Variants in CADPS observed in about 807,000 individuals in gnomAD.
CADPS encodes calcium dependent secretion activator.
CADPS carries 57 observed loss-of-function variants against 167.3 expected under a neutral mutation model. The ratio of observed to expected loss-of-function variants is 0.34; its 90% CI spans 0.28 to 0.42. The LOEUF is 0.42. Among genes scored for constraint, CADPS ranks in the 20% least tolerant of loss-of-function variants. CADPS has a pLI of 1.00. For missense variants in CADPS, 1,414 were observed against 1,738.1 expected, an observed-to-expected ratio of 0.81 and a Z score of 3.32; for synonymous variants, 676 against 635.3, an observed-to-expected ratio of 1.06 and a Z score of -0.96.
intron 24 of CADPS, among the ~76,000 whole-genome samples, chr3:62,471,673 A>G (rs550488056): frequency 1.3e-5 from 2 of 152,326 alleles, no homozygotes; most frequent in East Asian, 1.9e-4. Flanking sequence ...AGGCAAGACC[A>G]GTCCTGTTGT....
rs758002941 is a variant in CADPS at position 62,753,497 on chromosome 3, G to C, written c.832C>G (p.Gln278Glu). ...LSKEQLYEMF[Q>E]NILGIKKFEH... is the part of the protein sequence containing the mutation. Reference sequence around the variant, plus strand: ...AACTTCTTGATCCCAAGAATGTTCTGGAACATCTCATAGAGTTGCTCCTTG... The same window carrying C: ...AACTTCTTGATCCCAAGAATGTTCTCGAACATCTCATAGAGTTGCTCCTTG... The change falls in exon 3 of 30, where the codon CAG (glutamine) becomes GAG (glutamate). Residue 278 changes from glutamine (Q) to glutamate (E), a missense_variant. Physicochemically the swap from Gln to Glu is conservative, Grantham distance 29. Around this residue, in one of 6 missense-constraint regions of CADPS, gnomAD observed 522 missense variants for 559.5 expected, o/e 0.93. Transcript: ENST00000383710. The surrounding 1 kb of genome is among the most constrained non-coding windows in gnomAD (Gnocchi z 4.6). 2 of 1,614,044 alleles carry C rather than the reference G, an allele frequency of 1.2e-6. No individual in the cohort carries two copies. The highest frequency in any genetic ancestry group is 1.7e-6 in the Non-Finnish European group (2 of 1,179,998).
intron 26 of CADPS, among the ~76,000 whole-genome samples, chr3:62,463,073 T>C (rs1238004609): frequency 1.3e-5 from 2 of 152,184 alleles, no homozygotes; most frequent in African/African-American, 2.4e-5. Flanking sequence ...TTGCTAGGCA[T>C]GCTGTGAGGC....
At chr3:62,828,342 T>A (rs1425504858) in intron 1 of CADPS, among the ~76,000 whole-genome samples, 4 of 152,174 alleles carry the variant, frequency 2.6e-5, no homozygotes, top group Non-Finnish European at 5.9e-5. Context: ...TAACCAGGGT[T>A]GGGGTGGTCT....
At chr3:62,759,526 A>G (rs999615494) in intron 2 of CADPS, among the ~76,000 whole-genome samples, 5 of 152,182 alleles carry the variant, frequency 3.3e-5, no homozygotes, top group Admixed American at 3.3e-4. Context: ...ATAGGAAATA[A>G]GACAGTTTAC....
rs184973218 is a variant in CADPS, at chr3:62,690,296, T to A, written c.889-27902A>T. ...TTGTGACTTATTGTCAAGTTTTTCT[T>A]ATGACAGAGTATCATAATCTCCAAG... On this transcript the variant is annotated intron_variant, in intron 3 of 29. Coordinates refer to ENST00000383710, the MANE Select transcript of CADPS (RefSeq NM_003716.4). 3.2e-3 allele frequency among the ~76,000 whole-genome samples: 489 copies of A among 152,190 alleles called. 1 individual carries two copies. The highest frequency in any genetic ancestry group is 4.8e-3 in the Non-Finnish European group (329 of 67,992).
intron 6 of CADPS, among the ~76,000 whole-genome samples, chr3:62,623,268 G>C (rs1442888582): frequency 1.3e-5 from 2 of 152,138 alleles, no homozygotes; most frequent in Non-Finnish European, 2.9e-5. Context: ...AGAAGAGAGA[G>C]AGACACAAGG....
intron 11 of CADPS, among the ~76,000 whole-genome samples, chr3:62,547,332 A>G (rs1482757089): frequency 6.6e-6 from 1 of 152,124 alleles, no homozygotes; most frequent in Non-Finnish European, 1.5e-5. Flanking sequence ...ATTTTTGTGT[A>G]TGTGCAAGGT....
chr3:62,837,846 CTA>C (rs1351020321), intron 1 of CADPS, among the ~76,000 whole-genome samples: 1 of 152,128 alleles, frequency 6.6e-6, no homozygotes, highest in Non-Finnish European at 1.5e-5. Context: ...AAAATTGTAA[CTA>C]TAAGACATAA....
intron 9 of CADPS, among the ~76,000 whole-genome samples, chr3:62,559,074 TTGAG>T (rs1304684159): frequency 6.6e-6 from 1 of 152,180 alleles, no homozygotes; most frequent in African/African-American, 2.4e-5. Context: ...AGAGAATTAA[TTGAG>T]TTTTACATAC....
At chr3:62,758,146 T>G (rs1256049358) in intron 2 of CADPS, among the ~76,000 whole-genome samples, 3 of 152,208 alleles carry the variant, frequency 2.0e-5, no homozygotes, top group African/African-American at 7.2e-5. Context: ...TACTTCTGAA[T>G]TACCAGTGGA....
intron 28 of CADPS, among the ~76,000 whole-genome samples, chr3:62,425,692 A>C (rs1247509973): frequency 6.6e-6 from 1 of 152,242 alleles, no homozygotes; most frequent in Non-Finnish European, 1.5e-5. Flanking sequence ...GATTGGAGTC[A>C]TCATAACTGG....
Position 62,496,753 on chromosome 3 carries a change from C to T in CADPS, c.2706+2409G>A, listed in dbSNP as rs6778689. ...GGCACAGAGCCTAAACTCCTGGACA[C>T]CCTGCGTTCTATTGCTTGAAGGACA... On this transcript the variant is annotated intron_variant, in intron 18 of 29. Coordinates refer to ENST00000383710, the MANE Select transcript of CADPS (RefSeq NM_003716.4). Among the ~76,000 whole-genome samples, 697 of 152,294 alleles carry T rather than the reference C, an allele frequency of 4.6e-3. 5 individuals are homozygous for T. Among genetic ancestry groups the T allele is most frequent in the African/African-American group, 0.016 (648 of 41,562 alleles).
At chr3:62,835,939 T>C (rs1166472711) in intron 1 of CADPS, among the ~76,000 whole-genome samples, 7 of 152,210 alleles carry the variant, frequency 4.6e-5, no homozygotes, top group African/African-American at 1.7e-4. Flanking sequence ...CTCCCTTCTC[T>C]TTTTCTCTTC....
At chr3:62,519,531 A>T (rs1196186953) in intron 13 of CADPS, among the ~76,000 whole-genome samples, 2 of 152,160 alleles carry the variant, frequency 1.3e-5, no homozygotes, top group Non-Finnish European at 2.9e-5. Context: ...CCATTTCTTC[A>T]TACTCTTCCA....
chr3:62,733,479 T>A (rs984027554), intron 3 of CADPS, among the ~76,000 whole-genome samples: 1 of 152,342 alleles, frequency 6.6e-6, no homozygotes, highest in Non-Finnish European at 1.5e-5. Flanking sequence ...TAATAATTGA[T>A]ACTTTTGTAC....
intron 10 of CADPS, among the ~76,000 whole-genome samples, chr3:62,554,344 C>T (rs973882622): frequency 6.6e-6 from 1 of 152,142 alleles, no homozygotes; most frequent in Non-Finnish European, 1.5e-5. Flanking sequence ...AGTGGAAATG[C>T]TTGTGTCTGG....
intron 13 of CADPS, chr3:62,530,756 C>T: frequency 7.8e-7 from 1 of 1,288,864 alleles, no homozygotes; most frequent in Non-Finnish European, 1.0e-6. Context: ...GGGAGTTTTG[C>T]TCCCTTCAGG....
intron 1 of CADPS, among the ~76,000 whole-genome samples, chr3:62,841,437 T>C (rs965329220): frequency 9.9e-5 from 15 of 152,224 alleles, no homozygotes; most frequent in Admixed American, 6.5e-5. Context: ...ATATTAAAGC[T>C]GGGCATGATG....
At chr3:62,500,771 G>A (rs2065641747) in intron 17 of CADPS, among the ~76,000 whole-genome samples, 1 of 152,116 alleles carries the variant, frequency 6.6e-6, no homozygotes, top group Non-Finnish European at 1.5e-5. Context: ...GTGGGAGGAA[G>A]TAGGCAGACT....
Sources: allele counts gnomAD v4.1 joint callset (sites outside exome capture counted in the v4.1 genomes callset), GRCh38; gene constraint gnomAD v4.1.1; regional missense constraint gnomAD v4.1.1; non-coding constraint Gnocchi (gnomAD v3.1); transcripts MANE v1.5; gene names NCBI Gene and HGNC (gene_info 2026-07-23, HGNC 2026-07-21).